LRRFIP1: variants seen among roughly 807,000 people sequenced by gnomAD.
LRRFIP1 encodes the protein leucine-rich repeat flightless-interacting protein 1.
LRRFIP1 carries 62 observed loss-of-function variants against 104.4 expected under a neutral mutation model. The ratio of observed to expected loss-of-function variants is 0.59; its 90% CI spans 0.48 to 0.73. LRRFIP1 has a LOEUF of 0.73. Among genes scored for constraint, LRRFIP1 ranks in the 30% least tolerant of loss-of-function variants. LRRFIP1 has a pLI of 0.00. For synonymous variants in LRRFIP1, 300 were observed against 299.0 expected (o/e 1.00, Z -0.03); for missense variants, 796 against 824.5 (o/e 0.97, Z 0.42).
At position 237,751,179 on chromosome 2, in the gene LRRFIP1, C is replaced by T. The variant is rs775784781; in HGVS notation, c.796-21C>T. On this transcript the variant is annotated intron_variant, in intron 13 of 23. Transcript: ENST00000308482. The stretch of plus-strand genomic sequence containing the variant: ...CCTGTTTTCCCTTGACATCATCTGC[C>T]TTTTTTGCCATTTCCCCCAGGAACT... 20 of 1,586,138 alleles carry T rather than the reference C, an allele frequency of 1.3e-5. 1 individual carries two copies. The highest frequency in any genetic ancestry group is 8.1e-5 in the South Asian group (7 of 86,494).
intron 1 of LRRFIP1, among the ~76,000 whole-genome samples, chr2:237,644,689 T>C (rs1427094463): frequency 1.3e-5 from 2 of 152,258 alleles, no homozygotes; most frequent in Non-Finnish European, 2.9e-5. Flanking sequence ...GTTTTCCCAC[T>C]AATGTCTCTT....
intron 1 of LRRFIP1, among the ~76,000 whole-genome samples, chr2:237,657,250 T>A (rs62183645): frequency 0.13 from 20,420 of 152,084 alleles, 1,880 homozygotes; most frequent in Non-Finnish European, 0.21. Flanking sequence ...GAGAGGAAAA[T>A]AATTTAACAG....
rs376554206 is a variant in LRRFIP1, at chr2:237,703,634, C to T, written c.97-4910C>T. ...CCTGCGGATGCCTTCCCCAGCCCCC[C>T]GGGGTTGGGTCAAGTTCTCCAGAGC... On this transcript the variant is annotated intron_variant, in intron 1 of 23. Transcript: ENST00000308482. The surrounding 1 kb of genome is among the most constrained non-coding windows in gnomAD (Gnocchi z 4.3). Among the ~76,000 whole-genome samples the T allele has an allele frequency of 2.6e-5, 4 of 151,950 alleles. No homozygotes were observed. The highest frequency in any genetic ancestry group is 2.0e-4 in the Admixed American group (3 of 15,268).
In LRRFIP1 at chr2:237,661,667, G is replaced by A. The variant is rs969694773; in HGVS notation, c.96+33927G>A. 5.9e-5 allele frequency among the ~76,000 whole-genome samples: 9 copies of A among 152,182 alleles called. No homozygotes were observed. Among genetic ancestry groups the A allele is most frequent in the African/African-American group, 2.2e-4 (9 of 41,438 alleles). ...TCTGTCCCAGAGCCATGCACGTTCC[G>A]AAAGCACATTCCAGGGGGACAGTTG... is the stretch of plus-strand genomic sequence containing the variant. On this transcript the variant is annotated intron_variant, in intron 1 of 23. Coordinates refer to ENST00000308482, the MANE Select transcript of LRRFIP1 (RefSeq NM_001137550.2). The surrounding 1 kb of genome is among the most constrained non-coding windows in gnomAD (Gnocchi z 4.4).
chr2:237,657,196 G>A (rs576854572), intron 1 of LRRFIP1, among the ~76,000 whole-genome samples: 12 of 152,120 alleles, frequency 7.9e-5, no homozygotes, highest in Non-Finnish European at 1.5e-4. Flanking sequence ...GCAGGGGAGC[G>A]AAGACAGAAA....
chr2:237,695,135 G>A (rs757579856), intron 1 of LRRFIP1, among the ~76,000 whole-genome samples: 36 of 152,142 alleles, frequency 2.4e-4, no homozygotes, highest in Admixed American at 7.2e-4. Flanking sequence ...TCATTTCCCC[G>A]GGCAGGTAAG....
At chr2:237,632,869 G>C (rs1438293905) in intron 1 of LRRFIP1, among the ~76,000 whole-genome samples, 1 of 152,248 alleles carries the variant, frequency 6.6e-6, no homozygotes, top group African/African-American at 2.4e-5. Flanking sequence ...CCTGGGGCCA[G>C]AATTCACCTG....
intron 11 of LRRFIP1, among the ~76,000 whole-genome samples, chr2:237,745,424 A>C (rs553588078): frequency 1.6e-4 from 25 of 152,304 alleles, no homozygotes; most frequent in Non-Finnish European, 2.9e-4. Flanking sequence ...CCCAGATTTT[A>C]TTTTGAGTCC....
intron 1 of LRRFIP1, among the ~76,000 whole-genome samples, chr2:237,638,974 G>T (rs1011957533): frequency 6.6e-6 from 1 of 152,236 alleles, no homozygotes; most frequent in Non-Finnish European, 1.5e-5. Context: ...TTGTGTGACC[G>T]TAGGCAAGTG....
Position 237,763,349 on chromosome 2 carries a change from G to C in LRRFIP1, c.1459+3144G>C, listed in dbSNP as rs146722076. 76 of 1,614,104 alleles carry C rather than the reference G, an allele frequency of 4.7e-5. No individual in the cohort carries two copies. In the African/African-American group the frequency reaches 9.6e-4, roughly 20 times the overall value. ...AGTAGACACTCAAAATGAACCCTTA[G>C]ATATGAAAGAGCCCGATGAAGAAAA... On this transcript the variant is annotated intron_variant, in intron 19 of 23. Transcript: ENST00000308482.
chr2:237,764,485 A>G, intron 19 of LRRFIP1: 1 of 1,146,688 alleles, frequency 8.7e-7, no homozygotes. Flanking sequence ...TTTCTTGACC[A>G]AATATATCAG....
rs770177865 is a variant in LRRFIP1 at position 237,708,582 on chromosome 2, G to A, written c.135G>A (p.Ala45=). ...TCGCTGCAAAACGGGCGGCCCGCGC[G>A]GAGGCTCGCGAGATCCGCATGAAGG... ...ARLAAKRAAR[A]EAREIRMKEL... The change falls in exon 2 of 24, where the codon GCG becomes GCA. Residue 45 remains alanine, a synonymous_variant. Transcript: ENST00000308482. 1.4e-5 allele frequency: 23 copies of A among 1,597,976 alleles called. No individual in the cohort carries two copies. The highest frequency in any genetic ancestry group is 5.6e-5 in the South Asian group (5 of 88,982).
At chr2:237,682,331 C>T (rs2091932630) in intron 1 of LRRFIP1, among the ~76,000 whole-genome samples, 1 of 152,222 alleles carries the variant, frequency 6.6e-6, no homozygotes, top group Admixed American at 6.5e-5. Context: ...TCCGGGCAGT[C>T]CTGTCTGCTG....
At chr2:237,719,002 GAGAA>G (rs1199545661) in intron 4 of LRRFIP1, among the ~76,000 whole-genome samples, 4 of 152,098 alleles carry the variant, frequency 2.6e-5, no homozygotes, top group African/African-American at 9.7e-5. Flanking sequence ...ATATACCACT[GAGAA>G]AGAAAAAATG....
intron 1 of LRRFIP1, among the ~76,000 whole-genome samples, chr2:237,637,935 T>A (rs1402164565): frequency 6.6e-6 from 1 of 152,162 alleles, no homozygotes; most frequent in Non-Finnish European, 1.5e-5. Context: ...TCATCGTGGT[T>A]TCCATGCTGA....
At chr2:237,642,454 T>C (rs983345965) in intron 1 of LRRFIP1, among the ~76,000 whole-genome samples, 3 of 151,796 alleles carry the variant, frequency 2.0e-5, no homozygotes, top group Non-Finnish European at 4.4e-5. Context: ...GGCTCCAGGC[T>C]CCAGGTTCCA....
chr2:237,731,099 G>A (rs1481696721), intron 8 of LRRFIP1, among the ~76,000 whole-genome samples: 1 of 152,246 alleles, frequency 6.6e-6, no homozygotes, highest in African/African-American at 2.4e-5. Flanking sequence ...TGCTGTTGGA[G>A]CTGTTCCGTG....
chr2:237,742,878 C>T (rs561979580), intron 11 of LRRFIP1, among the ~76,000 whole-genome samples: 4 of 152,204 alleles, frequency 2.6e-5, no homozygotes, highest in African/African-American at 7.2e-5. Context: ...GCAGGCAGTG[C>T]TCTGAGGCAG....
intron 19 of LRRFIP1, chr2:237,769,095 G>A (rs2060420277): frequency 1.3e-5 from 2 of 152,204 alleles, no homozygotes; most frequent in Non-Finnish European, 2.9e-5. Flanking sequence ...AGGGCTTCTG[G>A]GGCTGAAACG....
Sources: allele counts gnomAD v4.1 joint callset (sites outside exome capture counted in the v4.1 genomes callset), GRCh38; gene constraint gnomAD v4.1.1; non-coding constraint Gnocchi (gnomAD v3.1); transcripts MANE v1.5; gene names NCBI Gene and HGNC (gene_info 2026-07-23, HGNC 2026-07-21).